Variants in SLC25A32 observed in about 807,000 individuals in gnomAD.
SLC25A32 encodes Glycine auxotroph B, complementation of hamster.
Under a neutral mutation model 39.0 loss-of-function variants are expected in SLC25A32, and 32 were observed. The ratio of observed to expected loss-of-function variants is 0.82; its 90% CI spans 0.62 to 1.10. The LOEUF (loss-of-function observed/expected upper bound fraction) is 1.10. Among genes scored for constraint, SLC25A32 ranks in the 50% least tolerant of loss-of-function variants. The pLI is 0.00. For synonymous variants in SLC25A32, 166 were observed against 152.4 expected (o/e 1.09, Z -0.66); for missense variants, 367 against 395.3 (o/e 0.93, Z 0.61).
chr8:103,414,008 C>A, intron 1 of SLC25A32, among the ~76,000 whole-genome samples: 1 of 152,226 alleles, frequency 6.6e-6, no homozygotes, highest in East Asian at 1.9e-4. Flanking sequence ...GTAGCCCATA[C>A]AGCAGTCTAC....
In SLC25A32 at chr8:103,407,682, G is replaced by T. The variant is rs1376592212; in HGVS notation, c.257C>A (p.Thr86Asn). The T allele has an allele frequency of 6.2e-7, 1 of 1,610,370 alleles. No individual in the cohort carries two copies. Among genetic ancestry groups the T allele is most frequent in the Non-Finnish European group, 8.5e-7 (1 of 1,177,992 alleles). ...TAAACCTGCACCCCATATATTTGGG[G>T]TTACTCCTTGATAAAGTCCCCGTAG... ...DGLRGLYQGVTPNIWGAGLSW... is the reference protein window; with the variant it reads ...DGLRGLYQGVNPNIWGAGLSW... The change falls in exon 2 of 7, where the codon ACC becomes AAC. Residue 86 changes from threonine (T) to asparagine (N), a missense_variant. Transcript: ENST00000297578.
At chr8:103,407,939 T>C (rs1441293976) in intron 1 of SLC25A32, among the ~76,000 whole-genome samples, 155 bp from the exon 2 acceptor site, 1 of 146,562 alleles carries the variant, frequency 6.8e-6, no homozygotes, top group Non-Finnish European at 1.5e-5. Context: ...CTTTTATATA[T>C]ATATTACATA....
At chr8:103,405,227 C>T (rs1332772457) in intron 2 of SLC25A32, among the ~76,000 whole-genome samples, 2 of 152,066 alleles carry the variant, frequency 1.3e-5, no homozygotes, top group Non-Finnish European at 2.9e-5. Context: ...TGAGCACCTA[C>T]GTTCAGGTAC....
intron 4 of SLC25A32, 175 bp from the exon 5 acceptor site, chr8:103,402,229 A>G: frequency 6.1e-6 from 3 of 489,040 alleles, no homozygotes; most frequent in Non-Finnish European, 3.6e-6. Context: ...AGACATGGGT[A>G]GTATTCTCTT....
chr8:103,405,923 C>G (rs949656748), intron 2 of SLC25A32, among the ~76,000 whole-genome samples: 1 of 152,056 alleles, frequency 6.6e-6, no homozygotes, highest in Admixed American at 6.6e-5. Context: ...CCCACCTTGG[C>G]CTCCTAAAGT....
intron 1 of SLC25A32, among the ~76,000 whole-genome samples, chr8:103,412,676 GGTT>G (rs974997393): frequency 6.6e-6 from 1 of 151,994 alleles, no homozygotes; most frequent in Non-Finnish European, 1.5e-5. Context: ...AATATCTTGA[GGTT>G]TTTTTCTCTC....
chr8:103,404,281 C>T (rs1259199247), intron 3 of SLC25A32, among the ~76,000 whole-genome samples: 4 of 152,132 alleles, frequency 2.6e-5, no homozygotes, highest in African/African-American at 9.7e-5. Context: ...ACAGAGTAAT[C>T]ATAATAATTT....
Position 103,414,809 on chromosome 8 carries a change from G to C in SLC25A32, c.129C>G (p.Leu43=). Residue 43 remains leucine, a synonymous_variant, in exon 1 of 7, where the codon CTC becomes CTG. Transcript: ENST00000297578. ...CGGCGAAGCGGATCTTCACGAGGTC[G>C]AGCGGATGCAGCGCAAGGTTGGATA... ...GVLSNLALHP[L]DLVKIRFAVS... 2 of 1,613,808 alleles carry C rather than the reference G, an allele frequency of 1.2e-6. No individual in the cohort carries two copies. Among genetic ancestry groups the C allele is most frequent in the South Asian group, 1.1e-5 (1 of 91,090 alleles).
chr8:103,411,975 T>G (rs1279292498), intron 1 of SLC25A32, among the ~76,000 whole-genome samples: 3 of 152,232 alleles, frequency 2.0e-5, no homozygotes, highest in Admixed American at 1.3e-4. Flanking sequence ...AAACAGACTT[T>G]CTGAGCTTGA....
In SLC25A32 at chr8:103,399,525, A is replaced by C. The variant is rs1265622394; in HGVS notation, c.*886T>G. 1 of 152,202 alleles carries C rather than the reference A, an allele frequency of 6.6e-6. No homozygotes were observed. Among genetic ancestry groups the C allele is most frequent in the Non-Finnish European group, 1.5e-5 (1 of 68,032 alleles). 9.4% of individuals were successfully genotyped at this position (152,202 alleles called of 1,614,324 possible). On this transcript the variant is annotated 3_prime_UTR_variant, in exon 7 of 7. Transcript: ENST00000297578. ...TTCTCTGAGAAGTATATAGTTTCTC[A>C]ATTTTCGCTAGGTAGTGCATCCCAA...
chr8:103,413,813 T>C (rs1816521671), intron 1 of SLC25A32, among the ~76,000 whole-genome samples: 1 of 152,238 alleles, frequency 6.6e-6, no homozygotes, highest in Non-Finnish European at 1.5e-5. Context: ...AATCTTCCAC[T>C]GAACCTTAAA....
rs374270449 is a variant in SLC25A32 at position 103,401,505 on chromosome 8, C to T, written c.812+11G>A. 1.1e-5 allele frequency: 18 copies of T among 1,609,600 alleles called. No individual in the cohort carries two copies. Among genetic ancestry groups the T allele is most frequent in the Middle Eastern group, 1.7e-4 (1 of 6,042 alleles). ...TGTCAAAGCAATTTTTGATATAGCA[C>T]GTGCTCTCACCTCCATGTCTTTGTG... is the stretch of plus-strand genomic sequence containing the variant. On this transcript the variant is annotated intron_variant, in intron 6 of 6. Coordinates refer to ENST00000297578, the MANE Select transcript of SLC25A32 (RefSeq NM_030780.5).
intron 4 of SLC25A32, 23 bp downstream of exon 4, chr8:103,403,141 A>G: frequency 6.6e-7 from 1 of 1,508,294 alleles, no homozygotes; most frequent in Non-Finnish European, 9.0e-7. Flanking sequence ...TCAGTTATTT[A>G]AAATATATTG....
At chr8:103,406,065 G>GTGTGTGTATATA (rs372284581) in intron 2 of SLC25A32, among the ~76,000 whole-genome samples, 2 of 144,164 alleles carry the variant, frequency 1.4e-5, no homozygotes. Flanking sequence ...GTGTGTGTGT[G>GTGTGTGTATATA]TATATATATA....
At chr8:103,413,590 C>T (rs558109329) in intron 1 of SLC25A32, among the ~76,000 whole-genome samples, 15 of 152,302 alleles carry the variant, frequency 9.8e-5, no homozygotes, top group African/African-American at 3.6e-4. Context: ...TAGTTCACTG[C>T]CTTGCTCCTA....
rs73287908 is a variant in SLC25A32 at position 103,399,011 on chromosome 8, C to T, written c.*1400G>A. The T allele has an allele frequency of 9.6e-4, 146 of 152,296 alleles. No individual in the cohort carries two copies. The highest frequency in any genetic ancestry group is 3.2e-3 in the African/African-American group (133 of 41,560). The allele number at this position is 152,296 out of a possible 1,614,324, so 9.4% of individuals were successfully genotyped here. A position where few individuals can be genotyped will look rare whatever the true frequency, so the allele number is the denominator to read the frequency against. ...TTACAACAAATAGATGGTAGTGCAA[C>T]AGCACTCGTGGATGTTTACGATAAA... On this transcript the variant is annotated 3_prime_UTR_variant, in exon 7 of 7. Coordinates refer to ENST00000297578, the MANE Select transcript of SLC25A32 (RefSeq NM_030780.5).
intron 2 of SLC25A32, among the ~76,000 whole-genome samples, chr8:103,405,492 G>C (rs1355919802): frequency 6.6e-6 from 1 of 152,048 alleles, no homozygotes; most frequent in African/African-American, 2.4e-5. Context: ...GGGTGGGTGG[G>C]AAGACAGGGA....
intron 1 of SLC25A32, among the ~76,000 whole-genome samples, chr8:103,412,672 T>C (rs193280424): frequency 5.3e-4 from 81 of 152,326 alleles, no homozygotes; most frequent in African/African-American, 1.7e-3. Flanking sequence ...TCTAAATATC[T>C]TGAGGTTTTT....
intron 1 of SLC25A32, among the ~76,000 whole-genome samples, chr8:103,414,223 T>C (rs1265638945): frequency 1.3e-5 from 2 of 152,228 alleles, no homozygotes; most frequent in Non-Finnish European, 2.9e-5. Context: ...GCTTTGTTAA[T>C]TTCAACATAC....
Sources: gnomAD v4.1 joint callset for allele counts (sites outside exome capture counted in the v4.1 genomes callset) on GRCh38, gnomAD v4.1.1 for gene constraint, MANE v1.5 for transcripts, NCBI Gene and HGNC (gene_info 2026-07-23, HGNC 2026-07-21) for gene names.